VWA8: variants seen among roughly 807,000 people sequenced by gnomAD.
The protein encoded by VWA8 is von Willebrand factor A domain containing 8, also known as von Willebrand factor A domain-containing protein 8.
A neutral mutation model predicts 241.5 loss-of-function variants in VWA8; 221 were observed. That is an observed-to-expected ratio of 0.91 (90% CI 0.82 to 1.02). The LOEUF (loss-of-function observed/expected upper bound fraction) is 1.02. Among genes scored for constraint, VWA8 ranks in the 50% least tolerant of loss-of-function variants. VWA8 has a pLI of 0.00. For missense variants in VWA8, 2,322 were observed against 2,328.7 expected (o/e 1.00, Z 0.06); for synonymous variants, 852 against 827.1 (o/e 1.03, Z -0.52).
At position 41,891,590 on chromosome 13, in the gene VWA8, A is replaced by G; in HGVS notation, c.484-3T>C. 1 of 1,613,812 alleles carries G rather than the reference A, an allele frequency of 6.2e-7. No homozygotes were observed. The highest frequency in any genetic ancestry group is 8.5e-7 in the Non-Finnish European group (1 of 1,179,924). On this transcript the variant is annotated splice_region_variant and splice_polypyrimidine_tract_variant and intron_variant, in intron 4 of 44. Transcript: ENST00000379310. ...TCTGTGGCTGCACGAACTGCACACT[A>G]TTTCCAAGAAACGTAAAAGCAAAAT...
chr13:41,610,425 C>G (rs1263011172), intron 39 of VWA8, among the ~76,000 whole-genome samples: 1 of 152,056 alleles, frequency 6.6e-6, no homozygotes, highest in Non-Finnish European at 1.5e-5. Flanking sequence ...CAACAGTCAC[C>G]AGGGAAGCCA....
At position 41,819,219 on chromosome 13, in the gene VWA8, T is replaced by C. The variant is rs748948079; in HGVS notation, c.1868A>G (p.Lys623Arg). 2.5e-6 allele frequency: 4 copies of C among 1,599,616 alleles called. No individual in the cohort carries two copies. In the South Asian group the frequency reaches 3.4e-5, roughly 14 times the overall value. The change falls in exon 15 of 45, where the codon AAG (lysine) becomes AGG (arginine). Residue 623 changes from lysine (K) to arginine (R), a missense_variant and splice_region_variant. Transcript: ENST00000379310. ...KSEEIQVIKE[K>R]VPNVPQEALD... is the part of the protein sequence containing the mutation. ...GACTAAGATTGGCTTTCTTCTTACC[T>C]TTTCCTTAATCACTTGGATTTCTTC... is the stretch of plus-strand genomic sequence containing the variant.
Position 41,932,872 on chromosome 13 carries a change from G to A in VWA8, c.241+17064C>T, listed in dbSNP as rs181791953. Among the ~76,000 whole-genome samples the A allele has an allele frequency of 1.9e-3, 294 of 151,814 alleles. 2 individuals carry two copies. Among genetic ancestry groups the A allele is most frequent in the African/African-American group, 6.4e-3 (266 of 41,466 alleles). On this transcript the variant is annotated intron_variant, in intron 2 of 44. Coordinates refer to ENST00000379310, the MANE Select transcript of VWA8 (RefSeq NM_015058.2). ...TTACCTAACCTACTTAAAAATGAAA[G>A]ACTAAAAACCCTTTCCCCCAACATC...
intron 21 of VWA8, among the ~76,000 whole-genome samples, chr13:41,755,075 AG>A: frequency 6.6e-6 from 1 of 152,194 alleles, no homozygotes; most frequent in African/African-American, 2.4e-5. Context: ...TAAACATAAG[AG>A]TGCAGATGTC....
intron 26 of VWA8, among the ~76,000 whole-genome samples, chr13:41,711,823 G>A (rs933148449): frequency 6.6e-6 from 1 of 151,784 alleles, no homozygotes; most frequent in Non-Finnish European, 1.5e-5. Context: ...ACAGTGAGCC[G>A]AGATCATGCC....
At chr13:41,709,928 T>C (rs1193040003) in intron 26 of VWA8, among the ~76,000 whole-genome samples, 1 of 152,010 alleles carries the variant, frequency 6.6e-6, no homozygotes, top group African/African-American at 2.4e-5. Flanking sequence ...ACTACAAACA[T>C]GCACCACCAC....
chr13:41,579,140 C>G lies in VWA8; in HGVS notation c.5272-3302G>C, dbSNP rs575823097. 1.2e-4 allele frequency among the ~76,000 whole-genome samples: 19 copies of G among 152,284 alleles called. 1 individual carries two copies. Among genetic ancestry groups the G allele is most frequent in the Non-Finnish European group, 2.8e-4 (19 of 68,024 alleles). ...AACCATTTGCTGGCTTTAGGAGATG[C>G]TATGCTTTATTATGCGGCCACATTG... On this transcript the variant is annotated intron_variant, in intron 42 of 44. Coordinates refer to ENST00000379310, the MANE Select transcript of VWA8 (RefSeq NM_015058.2).
chr13:41,843,915 A>T (rs956762896), intron 12 of VWA8, among the ~76,000 whole-genome samples: 1 of 152,166 alleles, frequency 6.6e-6, no homozygotes, highest in African/African-American at 2.4e-5. Context: ...GACATCAAAA[A>T]AGAGCTGGTA....
Position 41,887,195 on chromosome 13 carries a change from A to T in VWA8, c.816+2T>A, listed in dbSNP as rs767497921. On this transcript the variant is annotated splice_donor_variant, in intron 6 of 44. Coordinates refer to ENST00000379310, the MANE Select transcript of VWA8 (RefSeq NM_015058.2). LOFTEE classifies it high-confidence loss of function. Reference sequence around the variant, plus strand: ...AAATAAATTATCCTTGGTCTTACTTACCTTGAAGGGTAAATAATAAATATC... The same window carrying T: ...AAATAAATTATCCTTGGTCTTACTTTCCTTGAAGGGTAAATAATAAATATC... 6.2e-7 allele frequency: 1 copy of T among 1,609,404 alleles called. No individual in the cohort carries two copies. Among genetic ancestry groups the T allele is most frequent in the East Asian group, 2.2e-5 (1 of 44,840 alleles).
At chr13:41,685,321 G>A in intron 34 of VWA8, 79 bp from the exon 35 acceptor site, 5 of 1,309,298 alleles carry the variant, frequency 3.8e-6, no homozygotes, top group Non-Finnish European at 5.2e-6. Context: ...AGCCCTTTAA[G>A]CAGATACTAG....
chr13:41,738,799 A>T (rs2045544924), intron 21 of VWA8, among the ~76,000 whole-genome samples: 1 of 152,064 alleles, frequency 6.6e-6, no homozygotes, highest in Admixed American at 6.6e-5. Flanking sequence ...TTTTCTAATC[A>T]TTTTTTTGAA....
intron 37 of VWA8, among the ~76,000 whole-genome samples, chr13:41,638,098 A>T (rs986286019): frequency 6.6e-6 from 1 of 152,232 alleles, no homozygotes; most frequent in African/African-American, 2.4e-5. Context: ...CTCTAAAAAA[A>T]TCCTTAATCT....
chr13:41,723,138 T>G (rs901642289), intron 24 of VWA8, among the ~76,000 whole-genome samples: 5 of 152,174 alleles, frequency 3.3e-5, no homozygotes, highest in Non-Finnish European at 7.4e-5. Flanking sequence ...AGTGCAGCCT[T>G]GGAAAACATA....
chr13:41,655,189 A>G (rs543086629), intron 37 of VWA8, among the ~76,000 whole-genome samples: 11 of 151,616 alleles, frequency 7.3e-5, no homozygotes, highest in African/African-American at 2.7e-4. Context: ...CCCTGGGTTC[A>G]AGCAATTCTC....
rs41288289 is a variant in VWA8, at chr13:41,675,267, T to A, written c.4357A>T (p.Ile1453Leu). 6.2e-7 allele frequency: 1 copy of A among 1,613,156 alleles called. No individual in the cohort carries two copies. The highest frequency in any genetic ancestry group is 8.5e-7 in the Non-Finnish European group (1 of 1,179,432). ...TTTGATTGAAGATCAGTGACTTCTA[T>A]ATAACCAGATGTTTGTGGAGGAGTA... ...DVTPPQTSGYIEVTDLQSKKL... is the reference protein window; with the variant it reads ...DVTPPQTSGYLEVTDLQSKKL... Residue 1453 changes from isoleucine to leucine, a missense_variant, in exon 36 of 45, where the codon ATA (isoleucine) becomes TTA (leucine). Physicochemically the swap from Ile to Leu is conservative, Grantham distance 5. Coordinates refer to ENST00000379310, the MANE Select transcript of VWA8 (RefSeq NM_015058.2).
intron 37 of VWA8, among the ~76,000 whole-genome samples, chr13:41,639,369 A>AC (rs2044780176): frequency 6.6e-6 from 1 of 151,942 alleles, no homozygotes; most frequent in South Asian, 2.1e-4. Flanking sequence ...TGCACATACC[A>AC]CCTCCCAGAA....
At chr13:41,922,100 A>G (rs982440107) in intron 2 of VWA8, among the ~76,000 whole-genome samples, 2 of 152,320 alleles carry the variant, frequency 1.3e-5, no homozygotes, top group South Asian at 4.1e-4. Flanking sequence ...AGATCAATGG[A>G]ACAGAACAGA....
rs1870461299 is a variant in VWA8 at position 41,811,332 on chromosome 13, T to C, written c.1956A>G (p.Ser652=). The change falls in exon 17 of 45, where the codon TCA becomes TCG. Residue 652 remains serine, a synonymous_variant. Coordinates refer to ENST00000379310, the MANE Select transcript of VWA8 (RefSeq NM_015058.2). ...LRETQDPTAQ[S]LAASLSTRQL... is the part of the protein sequence containing the mutation. ...GTCTGGTAGAAAGTGATGCCGCTAA[T>C]GATTGTGCCTATCAAAAGACAAATA... 3 of 1,608,338 alleles carry C rather than the reference T, an allele frequency of 1.9e-6. No homozygotes were observed. Among genetic ancestry groups the C allele is most frequent in the East Asian group, 2.2e-5 (1 of 44,806 alleles).
chr13:41,606,029 C>T (rs2044551799), intron 39 of VWA8, among the ~76,000 whole-genome samples: 2 of 152,082 alleles, frequency 1.3e-5, no homozygotes, highest in African/African-American at 4.8e-5. Flanking sequence ...GTGTCCCTCC[C>T]CTGACTTTGC....
Sources: gnomAD v4.1 joint callset for allele counts (sites outside exome capture counted in the v4.1 genomes callset) on GRCh38, gnomAD v4.1.1 for gene constraint, MANE v1.5 for transcripts, NCBI Gene and HGNC (gene_info 2026-07-23, HGNC 2026-07-21) for gene names.